The following SPTLC3 variants were observed in gnomAD, a reference collection of about 807,000 sequenced individuals.
SPTLC3 encodes serine palmitoyltransferase 3.
In SPTLC3, 36 loss-of-function variants were observed where a neutral mutation model predicts 59.3. The ratio of observed to expected loss-of-function variants is 0.61; its 90% CI spans 0.47 to 0.80. The LOEUF (loss-of-function observed/expected upper bound fraction) is 0.80. SPTLC3 is among the 30% of genes least tolerant of loss of function. SPTLC3 has a pLI of 0.00. For synonymous variants in SPTLC3, 257 were observed against 240.8 expected, an observed-to-expected ratio of 1.07 and a Z score of -0.62; for missense variants, 625 against 685.1, an observed-to-expected ratio of 0.91 and a Z score of 0.98.
chr20:13,106,410 A>G (rs984020127), intron 6 of SPTLC3, among the ~76,000 whole-genome samples: 1 of 152,188 alleles, frequency 6.6e-6, no homozygotes, highest in Non-Finnish European at 1.5e-5. Flanking sequence ...ACAAGTCGGG[A>G]GGGACACCAA....
At chr20:13,072,736 C>A (rs1988492012) in intron 3 of SPTLC3, among the ~76,000 whole-genome samples, 1 of 152,162 alleles carries the variant, frequency 6.6e-6, no homozygotes, top group South Asian at 2.1e-4. Flanking sequence ...CAGTGATGAC[C>A]ATGGTTCTTG....
intron 2 of SPTLC3, among the ~76,000 whole-genome samples, chr20:13,054,615 A>T (rs1987641286): frequency 6.6e-6 from 1 of 152,228 alleles, no homozygotes; most frequent in Non-Finnish European, 1.5e-5. Flanking sequence ...ATCCAGGTTT[A>T]TGAGAGGTAG....
chr20:13,104,664 AAC>A (rs1989775127), intron 6 of SPTLC3, among the ~76,000 whole-genome samples: 1 of 152,162 alleles, frequency 6.6e-6, no homozygotes, highest in South Asian at 2.1e-4. Context: ...TGTGCTGAGT[AAC>A]ACCAAGGCAT....
At chr20:13,087,609 T>A (rs1011693551) in intron 4 of SPTLC3, among the ~76,000 whole-genome samples, 7 of 152,178 alleles carry the variant, frequency 4.6e-5, no homozygotes, top group Non-Finnish European at 1.0e-4. Context: ...AAGTACCTAC[T>A]ATGTGTCGGC....
At chr20:13,048,462 T>A (rs546076777) in intron 1 of SPTLC3, among the ~76,000 whole-genome samples, 1 of 152,210 alleles carries the variant, frequency 6.6e-6, no homozygotes, top group South Asian at 2.1e-4. Context: ...CCATGTTCCT[T>A]TAGTCTAGTA....
intron 2 of SPTLC3, chr20:13,050,259 T>A (rs1354012753): frequency 1.3e-5 from 2 of 152,018 alleles, no homozygotes; most frequent in Non-Finnish European, 2.9e-5. Context: ...TTCAAGAAAC[T>A]TTGGACACAC....
At chr20:13,136,682 T>C (rs1372972830) in intron 9 of SPTLC3, among the ~76,000 whole-genome samples, 1 of 147,392 alleles carries the variant, frequency 6.8e-6, no homozygotes, top group African/African-American at 2.5e-5. Flanking sequence ...TATACTTATA[T>C]AGTATATAAA....
intron 4 of SPTLC3, among the ~76,000 whole-genome samples, chr20:13,079,073 G>A (rs1988749594): frequency 6.6e-6 from 1 of 152,020 alleles, no homozygotes; most frequent in Non-Finnish European, 1.5e-5. Context: ...AAGATGTTTG[G>A]AACCTATTGA....
Position 13,166,972 on chromosome 20 carries a change from G to T in SPTLC3, c.*2105G>T, listed in dbSNP as rs1231263988. On this transcript the variant is annotated 3_prime_UTR_variant, in exon 12 of 12. Coordinates refer to ENST00000399002, the MANE Select transcript of SPTLC3 (RefSeq NM_018327.4). ...TTTCATCAAGATTCAAGAGTACAGGGGCAATTTATTACACTGCAATGTACA... is the reference window on the plus strand; with the variant it reads ...TTTCATCAAGATTCAAGAGTACAGGTGCAATTTATTACACTGCAATGTACA... 1.3e-5 allele frequency: 2 copies of T among 152,106 alleles called. No individual in the cohort carries two copies. The highest frequency in any genetic ancestry group is 2.9e-5 in the Non-Finnish European group (2 of 68,028). The allele number at this position is 152,106 out of a possible 1,614,324, so 9.4% of individuals were successfully genotyped here.
chr20:13,137,439 A>C (rs1408169118), intron 9 of SPTLC3, among the ~76,000 whole-genome samples: 1 of 152,014 alleles, frequency 6.6e-6, no homozygotes, highest in Non-Finnish European at 1.5e-5. Flanking sequence ...GAAGTGATGG[A>C]TTTTTTATTC....
At chr20:13,088,525 G>T (rs985105602) in intron 4 of SPTLC3, among the ~76,000 whole-genome samples, 1 of 151,610 alleles carries the variant, frequency 6.6e-6, no homozygotes, top group South Asian at 2.1e-4. Flanking sequence ...TAGTTTCACC[G>T]TGTTAGCCAG....
intron 9 of SPTLC3, among the ~76,000 whole-genome samples, chr20:13,127,414 A>G (rs2038019460): frequency 6.6e-6 from 1 of 152,192 alleles, no homozygotes; most frequent in African/African-American, 2.4e-5. Context: ...CATTTATGGA[A>G]GTAGCAATTT....
chr20:13,062,507 G>A (rs557949755), intron 2 of SPTLC3, among the ~76,000 whole-genome samples: 2 of 152,308 alleles, frequency 1.3e-5, no homozygotes, highest in East Asian at 3.9e-4. Context: ...CATATCACTT[G>A]CACAAAGCCA....
rs554025933 is a variant in SPTLC3, at chr20:13,053,455, A to G, written c.303+4325A>G. Among the ~76,000 whole-genome samples the G allele has an allele frequency of 7.4e-4, 113 of 152,276 alleles. 1 individual carries two copies. Among genetic ancestry groups the G allele is most frequent in the Non-Finnish European group, 9.6e-4 (65 of 68,032 alleles). ...GGATGAGGAAAAACCAGCACAAAAA[A>G]AGGCTGAAAACCAGAATGCCTCTTC... On this transcript the variant is annotated intron_variant, in intron 2 of 11. Transcript: ENST00000399002.
chr20:13,129,148 C>T (rs1255187690), intron 9 of SPTLC3, among the ~76,000 whole-genome samples: 4 of 151,954 alleles, frequency 2.6e-5, no homozygotes, highest in Non-Finnish European at 5.9e-5. Flanking sequence ...ATTACAGGCA[C>T]GAGCCACCAC....
intron 2 of SPTLC3, among the ~76,000 whole-genome samples, chr20:13,069,328 G>A (rs1286650539): frequency 1.3e-5 from 2 of 152,120 alleles, no homozygotes; most frequent in Non-Finnish European, 2.9e-5. Flanking sequence ...CATGGGCCGA[G>A]TGGGTGTTTG....
At position 13,072,319 on chromosome 20, in the gene SPTLC3, A is replaced by G. The variant is rs1257351495; in HGVS notation, c.367A>G (p.Arg123Gly). The G allele has an allele frequency of 1.2e-6, 2 of 1,613,870 alleles. No homozygotes were observed. The highest frequency in any genetic ancestry group is 2.7e-5 in the African/African-American group (2 of 74,928). Reference sequence around the variant, plus strand: ...TACAAGAAACCTTTACATGCGAATCAGAGACAACTGGAACCGGCCCATCTG... The same window carrying G: ...TACAAGAAACCTTTACATGCGAATCGGAGACAACTGGAACCGGCCCATCTG... ...FYTRNLYMRI[R>G]DNWNRPICSA... Residue 123 changes from arginine to glycine, a missense_variant, in exon 3 of 12, where the codon AGA (arginine) becomes GGA (glycine). Transcript: ENST00000399002.
At chr20:13,077,171 T>C (rs1223823174) in intron 4 of SPTLC3, among the ~76,000 whole-genome samples, 1 of 151,904 alleles carries the variant, frequency 6.6e-6, no homozygotes, top group Non-Finnish European at 1.5e-5. Context: ...CTCCCACAGT[T>C]GACAACCATC....
chr20:13,124,568 C>G lies in SPTLC3; in HGVS notation c.1153-2023C>G, dbSNP rs548673207. 3.3e-5 allele frequency among the ~76,000 whole-genome samples: 5 copies of G among 151,766 alleles called. No homozygotes were observed. In the East Asian group the frequency reaches 5.8e-4, roughly 18 times the overall value. ...GAAAAAGGAAGTCATAGAAGAAGGA[C>G]GGGTGAAAGGGGGGGATTCAGAATG... On this transcript the variant is annotated intron_variant, in intron 8 of 11. Transcript: ENST00000399002.
Sources: allele counts gnomAD v4.1 joint callset (sites outside exome capture counted in the v4.1 genomes callset), GRCh38; gene constraint gnomAD v4.1.1; transcripts MANE v1.5; gene names NCBI Gene and HGNC (gene_info 2026-07-23, HGNC 2026-07-21).